The following BCL2 variants were observed in gnomAD, a reference collection of about 807,000 sequenced individuals.
BCL2 encodes the protein BCL2 apoptosis regulator.
A neutral mutation model predicts 14.2 loss-of-function variants in BCL2; 1 was observed. The observed-to-expected ratio is 0.07, with a 90% CI of 0.02 to 0.33. The LOEUF (loss-of-function observed/expected upper bound fraction) is 0.33, where lower values mean the gene tolerates loss of function less well. BCL2 is among the 10% of genes least tolerant of loss of function. The pLI is 0.99. For synonymous variants in BCL2, 151 were observed against 137.2 expected, an observed-to-expected ratio of 1.10 and a Z score of -0.70; for missense variants, 247 against 305.9, an observed-to-expected ratio of 0.81 and a Z score of 1.44.
At chr18:63,169,284 CTTT>C (rs1438549869) in intron 2 of BCL2, among the ~76,000 whole-genome samples, 812 of 76,446 alleles carry the variant, frequency 0.011, 76 homozygotes, top group African/African-American at 0.035. Context: ...TTCTTTCTTT[CTTT>C]CTTTCTTTCT....
intron 2 of BCL2, among the ~76,000 whole-genome samples, chr18:63,194,131 C>T (rs1599236145): frequency 6.6e-6 from 1 of 152,136 alleles, no homozygotes; most frequent in East Asian, 1.9e-4. Context: ...ATATAAACCA[C>T]AAACAGGCTG....
At chr18:63,218,371 C>G (rs1910265722) in intron 2 of BCL2, among the ~76,000 whole-genome samples, 1 of 152,118 alleles carries the variant, frequency 6.6e-6, no homozygotes, top group African/African-American at 2.4e-5. Flanking sequence ...TCTCTCCCTA[C>G]TGGGGCACAG....
intron 2 of BCL2, among the ~76,000 whole-genome samples, chr18:63,312,556 A>G (rs1423286416): frequency 6.6e-6 from 1 of 152,252 alleles, no homozygotes; most frequent in African/African-American, 2.4e-5. Flanking sequence ...CACAAGCCCA[A>G]AAAAGTCCGA....
chr18:63,247,457 C>G (rs1911183830), intron 2 of BCL2, among the ~76,000 whole-genome samples: 1 of 152,080 alleles, frequency 6.6e-6, no homozygotes, highest in Non-Finnish European at 1.5e-5. Flanking sequence ...CTTGACCTCC[C>G]AAAGTGCTGG....
At chr18:63,176,777 T>C (rs891061223) in intron 2 of BCL2, among the ~76,000 whole-genome samples, 1 of 152,218 alleles carries the variant, frequency 6.6e-6, no homozygotes, top group African/African-American at 2.4e-5. Flanking sequence ...AAATATATAA[T>C]AAATTGCTAA....
intron 2 of BCL2, among the ~76,000 whole-genome samples, chr18:63,199,524 AACACACAGACACATGCACAGACCCAC>A (rs1909626087): frequency 6.7e-6 from 1 of 150,264 alleles, no homozygotes; most frequent in Non-Finnish European, 1.5e-5. Context: ...AGACACACAC[AACACACAGACACATGCACAGACCCAC>A]ACACACAGAT....
chr18:63,210,266 G>A (rs535333425), intron 2 of BCL2, among the ~76,000 whole-genome samples: 1 of 152,350 alleles, frequency 6.6e-6, no homozygotes, highest in Admixed American at 6.5e-5. Flanking sequence ...AAAAGCAAAT[G>A]TCCAGATGGC....
intron 2 of BCL2, among the ~76,000 whole-genome samples, chr18:63,157,775 T>C (rs1469933168): frequency 6.6e-6 from 1 of 152,130 alleles, no homozygotes; most frequent in Non-Finnish European, 1.5e-5. Flanking sequence ...AATAGGCCCA[T>C]GTGCACCACT....
At chr18:63,287,804 A>G (rs1484482655) in intron 2 of BCL2, among the ~76,000 whole-genome samples, 4 of 152,334 alleles carry the variant, frequency 2.6e-5, no homozygotes, top group East Asian at 3.9e-4. Context: ...TCTAGGGAAG[A>G]GAGACTTTTA....
In BCL2 at chr18:63,128,006, T is replaced by A. The variant is rs1913955837; in HGVS notation, c.*619A>T. 8.9e-6 allele frequency: 2 copies of A among 225,410 alleles called. No individual in the cohort carries two copies. Among genetic ancestry groups the A allele is most frequent in the Non-Finnish European group, 1.8e-5 (2 of 112,910 alleles). 14.0% of individuals were successfully genotyped at this position (225,410 alleles called of 1,614,324 possible). A position where few individuals can be genotyped will look rare whatever the true frequency, so the allele number is the denominator to read the frequency against. ...GGTCCATCTGAAGTTCCCAACTCTT[T>A]TCCTCCCACCAGGTATGCATCATGT... On this transcript the variant is annotated 3_prime_UTR_variant, in exon 3 of 3. Transcript: ENST00000333681.
Position 63,128,475 on chromosome 18 carries a change from GTGTC to G in BCL2, c.*146_*149del, listed in dbSNP as rs1412986398. 18 of 571,846 alleles carry G rather than the reference GTGTC, an allele frequency of 3.1e-5. No homozygotes were observed. Among genetic ancestry groups the G allele is most frequent in the African/African-American group, 2.8e-4 (15 of 53,706 alleles). The allele number at this position is 571,846 out of a possible 1,614,324, so 35.4% of individuals were successfully genotyped here. A position where few individuals can be genotyped will look rare whatever the true frequency, so the allele number is the denominator to read the frequency against. ...AGACTGTTAATTGTTGTGTGTGTGT[GTGTC>G]TGTCTGTGTGTGTGATGTTTATATG... On this transcript the variant is annotated 3_prime_UTR_variant, in exon 3 of 3. Coordinates refer to ENST00000333681, the MANE Select transcript of BCL2 (RefSeq NM_000633.3).
intron 2 of BCL2, among the ~76,000 whole-genome samples, chr18:63,296,319 A>G (rs1253796344): frequency 6.6e-6 from 1 of 151,828 alleles, no homozygotes; most frequent in Non-Finnish European, 1.5e-5. Flanking sequence ...TTTTTTTGAG[A>G]CAAGGTCTCA....
At chr18:63,183,227 C>G (rs1915517440) in intron 2 of BCL2, among the ~76,000 whole-genome samples, 1 of 152,128 alleles carries the variant, frequency 6.6e-6, no homozygotes, top group Non-Finnish European at 1.5e-5. Context: ...CCAGAGAGGG[C>G]AGGAAATGAC....
intron 2 of BCL2, among the ~76,000 whole-genome samples, chr18:63,236,935 T>G (rs1910853129): frequency 6.6e-6 from 1 of 152,184 alleles, no homozygotes; most frequent in South Asian, 2.1e-4. Context: ...CTTCATTCTG[T>G]TTTTCAGGAT....
intron 2 of BCL2, among the ~76,000 whole-genome samples, chr18:63,305,126 G>C (rs1383277360): frequency 6.6e-6 from 1 of 152,204 alleles, no homozygotes; most frequent in African/African-American, 2.4e-5. Context: ...GAAGCAGCTA[G>C]ATCCCCCTCT....
chr18:63,198,466 AG>A (rs1909526526), intron 2 of BCL2, among the ~76,000 whole-genome samples: 1 of 151,608 alleles, frequency 6.6e-6, no homozygotes, highest in African/African-American at 2.4e-5. Flanking sequence ...AGACACACAC[AG>A]ACACACACTG....
At chr18:63,165,097 A>T (rs1212270245) in intron 2 of BCL2, among the ~76,000 whole-genome samples, 2 of 152,196 alleles carry the variant, frequency 1.3e-5, no homozygotes, top group Non-Finnish European at 1.5e-5. Flanking sequence ...AAATAAAAAT[A>T]GAAGAATATT....
chr18:63,277,359 G>A (rs1322373266), intron 2 of BCL2, among the ~76,000 whole-genome samples: 1 of 152,128 alleles, frequency 6.6e-6, no homozygotes, highest in Non-Finnish European at 1.5e-5. Flanking sequence ...TTGGCCGGGT[G>A]TGGCGGCTCA....
At chr18:63,276,451 C>A (rs1323960079) in intron 2 of BCL2, among the ~76,000 whole-genome samples, 1 of 152,170 alleles carries the variant, frequency 6.6e-6, no homozygotes, top group Non-Finnish European at 1.5e-5. Flanking sequence ...GGACAACCTG[C>A]AGTACATGGG....
Sources: allele counts gnomAD v4.1 joint callset (sites outside exome capture counted in the v4.1 genomes callset), GRCh38; gene constraint gnomAD v4.1.1; transcripts MANE v1.5; gene names NCBI Gene and HGNC (gene_info 2026-07-23, HGNC 2026-07-21).